The following PTPRK variants were observed in gnomAD, a reference collection of about 807,000 sequenced individuals.
The protein encoded by PTPRK is receptor-type tyrosine-protein phosphatase kappa.
A neutral mutation model predicts 178.0 loss-of-function variants in PTPRK; 75 were observed. The ratio of observed to expected loss-of-function variants is 0.42; its 90% confidence interval spans 0.35 to 0.51. The LOEUF is 0.51. Among genes scored for constraint, PTPRK ranks in the 20% least tolerant of loss-of-function variants. The probability of loss-of-function intolerance (pLI) is 0.02; values close to 1 mark genes in which losing one functional copy is unlikely to be tolerated. For synonymous variants in PTPRK, 637 were observed against 620.6 expected (o/e 1.03, Z -0.39); for missense variants, 1,441 against 1,797.8 (o/e 0.80, Z 3.59).
At chr6:127,972,855 G>A (rs912358676) in intron 29 of PTPRK, among the ~76,000 whole-genome samples, 167 bp downstream of exon 29, 3 of 152,152 alleles carry the variant, frequency 2.0e-5, no homozygotes, top group Non-Finnish European at 4.4e-5. Flanking sequence ...TTAAGTGTCT[G>A]TGGGTAGAGG....
intron 7 of PTPRK, among the ~76,000 whole-genome samples, chr6:128,092,002 T>C (rs989007222): frequency 2.0e-5 from 3 of 152,170 alleles, no homozygotes; most frequent in Admixed American, 6.5e-5. Flanking sequence ...TAGGATTTAC[T>C]TTAAGTGATA....
chr6:128,493,191 T>A (rs1490500822), intron 1 of PTPRK, among the ~76,000 whole-genome samples: 1 of 152,128 alleles, frequency 6.6e-6, no homozygotes, highest in East Asian at 1.9e-4. Flanking sequence ...TTGACCAAAA[T>A]TCACTAAAAA....
chr6:128,129,960 T>C (rs923556090), intron 7 of PTPRK, among the ~76,000 whole-genome samples: 1 of 152,178 alleles, frequency 6.6e-6, no homozygotes, highest in Admixed American at 6.5e-5. Flanking sequence ...TTTCTGAGTG[T>C]CATCAGATAA....
intron 1 of PTPRK, among the ~76,000 whole-genome samples, chr6:128,512,127 C>A (rs1857281267): frequency 6.6e-6 from 1 of 152,044 alleles, no homozygotes; most frequent in Non-Finnish European, 1.5e-5. Flanking sequence ...ACGAAAGTGC[C>A]CTCTCAGAGT....
intron 5 of PTPRK, among the ~76,000 whole-genome samples, chr6:128,236,111 T>C (rs931365728): frequency 6.6e-6 from 1 of 152,240 alleles, no homozygotes; most frequent in Admixed American, 6.5e-5. Context: ...AGGCATCCAC[T>C]GGGCTTTTTG....
chr6:128,461,155 G>A (rs117255959), intron 1 of PTPRK, among the ~76,000 whole-genome samples: 2,518 of 151,964 alleles, frequency 0.017, 29 homozygotes, highest in Non-Finnish European at 0.027. Flanking sequence ...GATTTGTTAG[G>A]AAAAAACATA....
At chr6:128,419,639 G>T (rs1843247787) in intron 1 of PTPRK, among the ~76,000 whole-genome samples, 1 of 151,680 alleles carries the variant, frequency 6.6e-6, no homozygotes, top group Non-Finnish European at 1.5e-5. Flanking sequence ...AAGAAAAAAA[G>T]AAAAGACAGA....
intron 7 of PTPRK, among the ~76,000 whole-genome samples, chr6:128,152,376 TCA>T (rs2114565073): frequency 6.6e-6 from 1 of 152,102 alleles, no homozygotes; most frequent in African/African-American, 2.4e-5. Flanking sequence ...GGACTTCAGG[TCA>T]CATTGATTGT....
intron 3 of PTPRK, among the ~76,000 whole-genome samples, chr6:128,245,825 T>C (rs913366723): frequency 8.5e-5 from 13 of 152,206 alleles, no homozygotes; most frequent in African/African-American, 3.1e-4. Context: ...AAATAATGTA[T>C]AACTTGAGAC....
chr6:128,084,686 A>G (rs1169686114), intron 8 of PTPRK, among the ~76,000 whole-genome samples: 2 of 152,222 alleles, frequency 1.3e-5, no homozygotes, highest in African/African-American at 4.8e-5. Flanking sequence ...CAGATAAAAA[A>G]TTCTTTCGCT....
At chr6:128,124,775 A>G (rs1412056391) in intron 7 of PTPRK, among the ~76,000 whole-genome samples, 1 of 152,194 alleles carries the variant, frequency 6.6e-6, no homozygotes, top group Non-Finnish European at 1.5e-5. Flanking sequence ...CTGAATAGAC[A>G]AAAAGACCAG....
intron 2 of PTPRK, among the ~76,000 whole-genome samples, chr6:128,379,658 G>A (rs1035227902): frequency 6.6e-6 from 1 of 152,156 alleles, no homozygotes; most frequent in African/African-American, 2.4e-5. Flanking sequence ...ACTTCATAAG[G>A]TATTGAAGAA....
intron 21 of PTPRK, among the ~76,000 whole-genome samples, chr6:127,989,341 TAC>T (rs1280910996): frequency 1.3e-5 from 2 of 152,116 alleles, no homozygotes; most frequent in African/African-American, 4.8e-5. Flanking sequence ...ATACATATTT[TAC>T]AGTTACAATA....
At chr6:128,440,124 G>A (rs1846092157) in intron 1 of PTPRK, among the ~76,000 whole-genome samples, 1 of 152,194 alleles carries the variant, frequency 6.6e-6, no homozygotes, top group African/African-American at 2.4e-5. Flanking sequence ...GGGGCCAACT[G>A]TAGGACTTGA....
chr6:128,083,881 TAAATCAGATAAGCTAGATAAA>T, intron 8 of PTPRK, 57 bp from the exon 9 acceptor site: 1 of 883,652 alleles, frequency 1.1e-6, no homozygotes, highest in Non-Finnish European at 1.7e-6. Flanking sequence ...ACAGAAAAAG[TAAATCAGATAAGCTAGATAAA>T]CAGGATTAAA....
At chr6:128,193,279 T>TAAAAAAAAAAA (rs1554338433) in intron 6 of PTPRK, among the ~76,000 whole-genome samples, 1 of 19,394 alleles carries the variant, frequency 5.2e-5, no homozygotes, top group African/African-American at 1.6e-4. Flanking sequence ...ATCCAGCTTG[T>TAAAAAAAAAAA]GAAAAAAAAA....
At chr6:128,407,500 G>T (rs1241985573) in intron 1 of PTPRK, among the ~76,000 whole-genome samples, 2 of 151,950 alleles carry the variant, frequency 1.3e-5, no homozygotes, top group South Asian at 2.1e-4. Context: ...TTAGCCAGGA[G>T]GAGTGGCATA....
At chr6:128,028,752 A>G (rs148331388) in intron 13 of PTPRK, among the ~76,000 whole-genome samples, 2 of 152,358 alleles carry the variant, frequency 1.3e-5, no homozygotes, top group Admixed American at 1.3e-4. Context: ...GACATATGGC[A>G]GAGAGTAAGT....
chr6:128,150,335 A>G (rs1391410310), intron 7 of PTPRK, among the ~76,000 whole-genome samples: 2 of 152,154 alleles, frequency 1.3e-5, no homozygotes, highest in Non-Finnish European at 2.9e-5. Context: ...TAAATAAATG[A>G]ACAGTTCCAA....
Sources: allele counts gnomAD v4.1 joint callset (sites outside exome capture counted in the v4.1 genomes callset), GRCh38; gene constraint gnomAD v4.1.1; transcripts MANE v1.5; gene names NCBI Gene and HGNC (gene_info 2026-07-23, HGNC 2026-07-21).